The following BNC2 variants were observed in gnomAD, a reference collection of about 807,000 sequenced individuals.
The protein encoded by BNC2 is zinc finger protein basonuclin-2.
In BNC2, 20 loss-of-function variants were observed where a neutral mutation model predicts 76.3. The observed-to-expected ratio is 0.26, with a 90% CI of 0.18 to 0.38. BNC2 has a LOEUF of 0.38. Ranked by LOEUF, BNC2 falls within the 10% of genes least tolerant of loss-of-function variation. BNC2 has a pLI of 1.00. For synonymous variants in BNC2, 582 were observed against 514.8 expected (o/e 1.13, Z -1.77); for missense variants, 1,382 against 1,399.8 (o/e 0.99, Z 0.20).
intron 2 of BNC2, 61 bp from the exon 3 acceptor site, chr9:16,728,058 G>A: frequency 8.0e-7 from 1 of 1,253,824 alleles, no homozygotes; most frequent in Admixed American, 1.8e-5. Context: ...GTGTAGTGTA[G>A]TTAAGAAGCT....
intron 1 of BNC2, among the ~76,000 whole-genome samples, chr9:16,756,907 C>T (rs1264217038): frequency 6.6e-5 from 10 of 151,562 alleles, no homozygotes; most frequent in African/African-American, 2.4e-4. Flanking sequence ...AGGAGAATGG[C>T]CTGAACCCGG....
At chr9:16,855,734 G>C (rs1819238444) in intron 1 of BNC2, among the ~76,000 whole-genome samples, 1 of 150,500 alleles carries the variant, frequency 6.6e-6, no homozygotes, top group South Asian at 2.1e-4. Context: ...TTTTTAAGTA[G>C]AGACGGGGTT....
intron 3 of BNC2, among the ~76,000 whole-genome samples, chr9:16,694,805 T>C (rs534727197): frequency 8.5e-5 from 13 of 152,124 alleles, no homozygotes; most frequent in Non-Finnish European, 1.9e-4. Context: ...CCAAGCCTGC[T>C]GAGGACCCCA....
chr9:16,662,722 T>C (rs1409687526), intron 3 of BNC2, among the ~76,000 whole-genome samples: 1 of 151,672 alleles, frequency 6.6e-6, no homozygotes, highest in Non-Finnish European at 1.5e-5. Context: ...GGTGACAGAG[T>C]GAGACTGTCT....
At chr9:16,455,434 G>A (rs370205547) in intron 5 of BNC2, among the ~76,000 whole-genome samples, 2 of 152,174 alleles carry the variant, frequency 1.3e-5, no homozygotes, top group African/African-American at 2.4e-5. Flanking sequence ...TACACAGAGT[G>A]GGGGGAGTAG....
chr9:16,745,990 G>A (rs958279440), intron 1 of BNC2, among the ~76,000 whole-genome samples: 2 of 152,152 alleles, frequency 1.3e-5, no homozygotes, highest in Admixed American at 1.3e-4. Context: ...CTTGGCTTCT[G>A]CAGCCTTACA....
rs1821410572 is a variant in BNC2 at position 16,454,647 on chromosome 9, AAACT to A, written c.670-17127_670-17124del. ...CTTATACCTAATTTGTTTCTGTTGAAAACTAACCACTTGTTACTTCTGTAAACTC... is the reference window on the plus strand; with the variant it reads ...CTTATACCTAATTTGTTTCTGTTGAAAACCACTTGTTACTTCTGTAAACTC... On this transcript the variant is annotated intron_variant, in intron 5 of 6. Coordinates refer to ENST00000380672, the MANE Select transcript of BNC2 (RefSeq NM_017637.6). Among the ~76,000 whole-genome samples, 7 of 152,248 alleles carry A rather than the reference AAACT, an allele frequency of 4.6e-5. No homozygotes were observed. In the South Asian group the frequency reaches 1.5e-3, roughly 32 times the overall value.
rs1344096600 is a variant in BNC2, at chr9:16,419,443, T to C, written c.2846A>G (p.Tyr949Cys). ...AGTEDSHLNG[Y>C]GRGMAEDYMV... ...GTAGTCCTCTGCCATGCCTCTCCCA[T>C]ACCCGTTCAGGTGGGAGTCTTCAGT... Residue 949 changes from tyrosine to cysteine, a missense_variant, in exon 7 of 7, where the codon TAT (tyrosine) becomes TGT (cysteine). This residue lies in a region of BNC2 where 798 missense variants were observed against 775.5 expected (regional missense o/e 1.03). Transcript: ENST00000380672. The C allele has an allele frequency of 1.9e-6, 3 of 1,611,876 alleles. No individual in the cohort carries two copies. Among genetic ancestry groups the C allele is most frequent in the Non-Finnish European group, 2.5e-6 (3 of 1,178,730 alleles).
chr9:16,709,744 T>A (rs1324678798), intron 3 of BNC2, among the ~76,000 whole-genome samples: 1 of 152,224 alleles, frequency 6.6e-6, no homozygotes, highest in African/African-American at 2.4e-5. Context: ...GTTAGTAAGT[T>A]TTGTTGCCAA....
At chr9:16,612,158 CT>C (rs1381657609) in intron 3 of BNC2, among the ~76,000 whole-genome samples, 1 of 151,938 alleles carries the variant, frequency 6.6e-6, no homozygotes, top group Non-Finnish European at 1.5e-5. Flanking sequence ...GGACGTCTTT[CT>C]TTCTCCCCAC....
chr9:16,839,018 A>G (rs1224472010), intron 1 of BNC2, among the ~76,000 whole-genome samples: 2 of 152,254 alleles, frequency 1.3e-5, no homozygotes, highest in African/African-American at 4.8e-5. Flanking sequence ...ACTAGTCAGT[A>G]GAGGTGAGCT....
chr9:16,475,208 A>C (rs1821903147), intron 5 of BNC2, among the ~76,000 whole-genome samples: 1 of 152,204 alleles, frequency 6.6e-6, no homozygotes, highest in South Asian at 2.1e-4. Context: ...GCAGGGGTTA[A>C]TGTGCCTATA....
chr9:16,664,039 C>T (rs1822191517), intron 3 of BNC2, among the ~76,000 whole-genome samples: 1 of 152,142 alleles, frequency 6.6e-6, no homozygotes, highest in African/African-American at 2.4e-5. Flanking sequence ...GAAAACTTAA[C>T]CCTCCATTGA....
chr9:16,503,249 C>T (rs1822558416), intron 5 of BNC2, among the ~76,000 whole-genome samples: 1 of 152,142 alleles, frequency 6.6e-6, no homozygotes, highest in Non-Finnish European at 1.5e-5. Context: ...TTCTAAGGAA[C>T]TCTGGGTATA....
intron 1 of BNC2, among the ~76,000 whole-genome samples, chr9:16,815,760 T>A (rs1315612093): frequency 6.6e-6 from 1 of 152,236 alleles, no homozygotes; most frequent in Non-Finnish European, 1.5e-5. Flanking sequence ...GTTCTGACTT[T>A]GAAGAACTCT....
chr9:16,731,163 C>A (rs1441886524), intron 2 of BNC2, among the ~76,000 whole-genome samples: 7 of 152,130 alleles, frequency 4.6e-5, no homozygotes, highest in Non-Finnish European at 8.8e-5. Context: ...GTTTTTTTCA[C>A]TGGCTACATA....
intron 5 of BNC2, among the ~76,000 whole-genome samples, chr9:16,490,590 G>A (rs1264225980): frequency 6.6e-6 from 1 of 152,148 alleles, no homozygotes; most frequent in African/African-American, 2.4e-5. Flanking sequence ...GTGTGTATGT[G>A]TGTGTTTAAG....
At chr9:16,429,641 A>G in intron 6 of BNC2, 1 of 209,858 alleles carries the variant, frequency 4.8e-6, no homozygotes, top group South Asian at 8.0e-5. Flanking sequence ...AGGTAAAAAT[A>G]AGAGTTATAT....
chr9:16,653,476 T>C (rs1821845941), intron 3 of BNC2, among the ~76,000 whole-genome samples: 1 of 152,168 alleles, frequency 6.6e-6, no homozygotes. Context: ...AGGGCTTCTT[T>C]TTGTGTGTTT....
Sources: gnomAD v4.1 joint callset for allele counts (sites outside exome capture counted in the v4.1 genomes callset) on GRCh38, gnomAD v4.1.1 for gene constraint, gnomAD v4.1.1 regional missense constraint, MANE v1.5 for transcripts, NCBI Gene and HGNC (gene_info 2026-07-23, HGNC 2026-07-21) for gene names.